Variants in PIGN observed in about 807,000 individuals in gnomAD.
The protein encoded by PIGN is GPI ethanolamine phosphate transferase 1.
PIGN carries 117 observed loss-of-function variants against 125.4 expected under a neutral mutation model. That is an observed-to-expected ratio of 0.93 (90% CI 0.80 to 1.09). The LOEUF (loss-of-function observed/expected upper bound fraction) is 1.09. Ranked by LOEUF, PIGN falls within the 50% of genes least tolerant of loss-of-function variation. The probability of loss-of-function intolerance (pLI) is 0.00; values close to 1 mark genes in which losing one functional copy is unlikely to be tolerated. For synonymous variants in PIGN, 392 were observed against 377.8 expected (o/e 1.04, Z -0.44); for missense variants, 1,075 against 1,094.9 (o/e 0.98, Z 0.26).
chr18:62,079,329 A>G (rs1239762702), intron 28 of PIGN, among the ~76,000 whole-genome samples: 1 of 152,232 alleles, frequency 6.6e-6, no homozygotes, highest in Non-Finnish European at 1.5e-5. Flanking sequence ...GGTAGACAGT[A>G]AGCTCTGATC....
rs1380569650 is a variant in PIGN, at chr18:62,157,572, A to G, written c.343+115T>C. 2.9e-6 allele frequency: 3 copies of G among 1,022,394 alleles called. No individual in the cohort carries two copies. The East Asian group carries it at 7.8e-5, about 27-fold the overall frequency. The allele number at this position is 1,022,394 out of a possible 1,614,324, so 63.3% of individuals were successfully genotyped here. ...TCATGTCAGCAAAGCATGCTAAAAC[A>G]TTTGTCCAAAATATCTCAAAACATA... is the stretch of plus-strand genomic sequence containing the variant. On this transcript the variant is annotated intron_variant, in intron 5 of 30. Coordinates refer to ENST00000640252, the MANE Select transcript of PIGN (RefSeq NM_176787.5).
At chr18:62,127,257 A>G (rs1360668042) in intron 14 of PIGN, among the ~76,000 whole-genome samples, 1 of 152,164 alleles carries the variant, frequency 6.6e-6, no homozygotes, top group Non-Finnish European at 1.5e-5. Flanking sequence ...TTCCATTTAC[A>G]TCTAACCAAC....
At chr18:62,112,549 AT>A (rs997930824) in intron 16 of PIGN, 4 of 152,104 alleles carry the variant, frequency 2.6e-5, no homozygotes, top group Non-Finnish European at 4.4e-5. Context: ...CATTAAAGAG[AT>A]TTTTTTAATT....
At chr18:62,182,382 T>A (rs529322902) in intron 1 of PIGN, among the ~76,000 whole-genome samples, 4 of 152,362 alleles carry the variant, frequency 2.6e-5, no homozygotes, top group Non-Finnish European at 5.9e-5. Context: ...CCTTGTCTAC[T>A]ACCTACTAAA....
At chr18:62,121,177 G>T in intron 14 of PIGN, among the ~76,000 whole-genome samples, 1 of 152,160 alleles carries the variant, frequency 6.6e-6, no homozygotes, top group East Asian at 1.9e-4. Flanking sequence ...GATGATGTAA[G>T]GCACAATAGA....
intron 23 of PIGN, among the ~76,000 whole-genome samples, chr18:62,035,773 G>C (rs1000789317): frequency 1.3e-5 from 2 of 151,548 alleles, no homozygotes; most frequent in African/African-American, 4.9e-5. Context: ...GAGAACATGC[G>C]GTGTTTGAAA....
chr18:62,142,359 C>A (rs1466011570), intron 11 of PIGN, among the ~76,000 whole-genome samples: 2 of 152,170 alleles, frequency 1.3e-5, no homozygotes, highest in African/African-American at 4.8e-5. Flanking sequence ...AATCTATGTT[C>A]AATTGCTGAT....
chr18:62,040,863 A>G (rs565609635), downstream of PIGN, among the ~76,000 whole-genome samples: 12 of 152,322 alleles, frequency 7.9e-5, no homozygotes, highest in African/African-American at 2.9e-4. Context: ...ACATTAGTCA[A>G]ATTCACTGAA....
rs141926917 is a variant in PIGN at position 62,116,718 on chromosome 18, C to G, written c.1173-2079G>C. ...CATTAATATCCACAATAATACTTAG[C>G]AAAGTGCTAAAGCACATAAAATGAA... On this transcript the variant is annotated intron_variant, in intron 14 of 30. Transcript: ENST00000640252. Among the ~76,000 whole-genome samples, 407 of 152,262 alleles carry G rather than the reference C, an allele frequency of 2.7e-3. 3 individuals are homozygous for G. The highest frequency in any genetic ancestry group is 9.5e-3 in the African/African-American group (394 of 41,548).
chr18:62,092,834 T>C (rs1207408712), intron 23 of PIGN, among the ~76,000 whole-genome samples: 1 of 152,128 alleles, frequency 6.6e-6, no homozygotes, highest in Non-Finnish European at 1.5e-5. Context: ...ATCCCTGGCC[T>C]TTCTTTAAAG....
intron 7 of PIGN, among the ~76,000 whole-genome samples, chr18:62,150,346 T>C (rs989188653): frequency 2.6e-5 from 4 of 152,144 alleles, no homozygotes; most frequent in African/African-American, 9.7e-5. Context: ...AGACGTATAT[T>C]GAAGGGGAAT....
intron 1 of PIGN, among the ~76,000 whole-genome samples, chr18:62,175,460 C>T (rs2037492175): frequency 2.0e-5 from 3 of 152,102 alleles, no homozygotes; most frequent in Admixed American, 2.0e-4. Context: ...CATTTTCTTC[C>T]CTTTCAATGT....
intron 23 of PIGN, among the ~76,000 whole-genome samples, chr18:62,031,260 A>G (rs2030190133): frequency 6.6e-6 from 1 of 152,142 alleles, no homozygotes; most frequent in Admixed American, 6.5e-5. Flanking sequence ...GCCTTCCACC[A>G]TGATTGTGAG....
intron 23 of PIGN, among the ~76,000 whole-genome samples, chr18:62,091,603 C>T (rs769201041): frequency 4.6e-5 from 7 of 152,052 alleles, no homozygotes; most frequent in East Asian, 1.9e-4. Flanking sequence ...CCTACATGTC[C>T]ACCGGGGAAT....
chr18:62,020,909 C>G (rs1021261075), intron 23 of PIGN, among the ~76,000 whole-genome samples: 9 of 150,318 alleles, frequency 6.0e-5, no homozygotes, highest in African/African-American at 9.8e-5. Context: ...TGCAGTGAGC[C>G]GAGATCGCGC....
chr18:62,119,572 G>A (rs1183008140), intron 14 of PIGN, among the ~76,000 whole-genome samples: 6 of 151,892 alleles, frequency 4.0e-5, no homozygotes, highest in Admixed American at 2.0e-4. Context: ...GGCTGGGTGC[G>A]ATGGCTCACG....
intron 22 of PIGN, among the ~76,000 whole-genome samples, chr18:62,097,078 C>G (rs1315285556): frequency 4.6e-5 from 7 of 150,850 alleles, no homozygotes; most frequent in African/African-American, 1.7e-4. Context: ...CAAATGGGAT[C>G]TAATTAAACT....
intron 23 of PIGN, among the ~76,000 whole-genome samples, chr18:62,093,270 T>C (rs1197098444): frequency 6.6e-6 from 1 of 152,138 alleles, no homozygotes; most frequent in Non-Finnish European, 1.5e-5. Context: ...CTATACATTA[T>C]GATCACTTTC....
intron 30 of PIGN, among the ~76,000 whole-genome samples, chr18:62,046,336 G>A (rs1423720637): frequency 6.6e-6 from 1 of 151,770 alleles, no homozygotes; most frequent in East Asian, 1.9e-4. Flanking sequence ...GTACCAGTCT[G>A]TGGCCTGTTA....
Sources: allele counts gnomAD v4.1 joint callset (sites outside exome capture counted in the v4.1 genomes callset), GRCh38; gene constraint gnomAD v4.1.1; transcripts MANE v1.5; gene names NCBI Gene and HGNC (gene_info 2026-07-23, HGNC 2026-07-21).